The following GCN1 variants were observed in gnomAD, a reference collection of about 807,000 sequenced individuals.
GCN1 encodes the protein GCN1 activator of EIF2AK4, also known as stalled ribosome sensor GCN1.
Under a neutral mutation model 288.4 loss-of-function variants are expected in GCN1, and 90 were observed. The ratio of observed to expected loss-of-function variants is 0.31; its 90% CI spans 0.26 to 0.37. The LOEUF (loss-of-function observed/expected upper bound fraction) is 0.37. GCN1 is among the 10% of genes least tolerant of loss of function. The probability of loss-of-function intolerance (pLI) is 1.00; values close to 1 mark genes in which losing one functional copy is unlikely to be tolerated. For synonymous variants in GCN1, 1,386 were observed against 1,420.2 expected (o/e 0.98, Z 0.54); for missense variants, 2,586 against 3,419.9 (o/e 0.76, Z 6.08).
intron 42 of GCN1, among the ~76,000 whole-genome samples, chr12:120,143,737 C>G (rs568623813): frequency 1.3e-5 from 2 of 152,254 alleles, no homozygotes; most frequent in East Asian, 1.9e-4. Context: ...GAAATATATT[C>G]CCATAAGTAA....
intron 1 of GCN1, among the ~76,000 whole-genome samples, chr12:120,193,516 A>C (rs1879074547): frequency 6.6e-6 from 1 of 152,108 alleles, no homozygotes; most frequent in Admixed American, 6.6e-5. Context: ...CGTTGGTCAG[A>C]CTAGTCTCAA....
At chr12:120,162,343 A>T in intron 20 of GCN1, 3 of 461,852 alleles carry the variant, frequency 6.5e-6, no homozygotes, top group East Asian at 4.2e-5. Flanking sequence ...AGAGGTAGGC[A>T]TGTGACCCAG....
At chr12:120,149,852 C>T in intron 35 of GCN1, 70 bp downstream of exon 35, 1 of 1,597,212 alleles carries the variant, frequency 6.3e-7, no homozygotes, top group South Asian at 1.1e-5. Flanking sequence ...GTGCCAAGGC[C>T]TGCAGACACA....
chr12:120,143,096 C>A lies in GCN1; in HGVS notation c.5496-155G>T, dbSNP rs190510203. Among the ~76,000 whole-genome samples the A allele has an allele frequency of 2.0e-5, 3 of 152,258 alleles. No individual in the cohort carries two copies. The East Asian group carries it at 5.8e-4, about 29-fold the overall frequency. On this transcript the variant is annotated intron_variant, in intron 42 of 57. Coordinates refer to ENST00000300648, the MANE Select transcript of GCN1 (RefSeq NM_006836.2). The stretch of plus-strand genomic sequence containing the variant: ...CAGGTGGTTTACATTTCTTTACACT[C>A]GCCCACATATTTTCCAAGTTTTCTA...
chr12:120,141,124 C>G (rs1279378596), intron 44 of GCN1, 101 bp from the exon 45 acceptor site: 2 of 949,254 alleles, frequency 2.1e-6, no homozygotes, highest in African/African-American at 3.3e-5. Context: ...CAGGCTTTAT[C>G]TGAATCACTG....
intron 14 of GCN1, 72 bp from the exon 15 acceptor site, chr12:120,170,393 T>C (rs1878278857): frequency 9.4e-6 from 13 of 1,380,210 alleles, no homozygotes; most frequent in Non-Finnish European, 1.3e-5. Context: ...AAAGGATTTA[T>C]CTAACCAGCT....
chr12:120,143,065 AAG>A (rs1877249717), intron 42 of GCN1, 124 bp from the exon 43 acceptor site: 3 of 613,160 alleles, frequency 4.9e-6, no homozygotes, highest in South Asian at 4.5e-5. Context: ...TTGGAATGGG[AAG>A]AGTCAGGTGG....
chr12:120,177,390 G>T, intron 9 of GCN1, 57 bp downstream of exon 9: 1 of 844,324 alleles, frequency 1.2e-6, no homozygotes, highest in Non-Finnish European at 2.0e-6. Context: ...CAAATATCGA[G>T]AATAGAGATA....
At position 120,142,649 on chromosome 12, in the gene GCN1, G is replaced by T. The variant is rs368946106; in HGVS notation, c.5687C>A (p.Thr1896Asn). ...GGACGCCTGCCGCACCACCAGCTGGGTGTCTGAGCGGCCCATGTACAGCCC... is the reference window on the plus strand; with the variant it reads ...GGACGCCTGCCGCACCACCAGCTGGTTGTCTGAGCGGCCCATGTACAGCCC... ...LAGLYMGRSDTQLVVRQASLH... is the reference protein window; with the variant it reads ...LAGLYMGRSDNQLVVRQASLH... Residue 1896 changes from threonine (T) to asparagine (N), a missense_variant, in exon 44 of 58, where the codon ACC becomes AAC. Around this residue, in one of 8 missense-constraint regions of GCN1, gnomAD observed 437 missense variants for 570.5 expected, o/e 0.77. Coordinates refer to ENST00000300648, the MANE Select transcript of GCN1 (RefSeq NM_006836.2). This position sits in a 1 kb window ranked among gnomAD's most constrained non-coding sequence, Gnocchi z 4.9. 7 of 1,614,100 alleles carry T rather than the reference G, an allele frequency of 4.3e-6. No individual in the cohort carries two copies. In the South Asian group the frequency reaches 4.4e-5, roughly 10 times the overall value.
intron 5 of GCN1, among the ~76,000 whole-genome samples, chr12:120,179,185 A>G (rs1878572443): frequency 6.6e-6 from 1 of 151,998 alleles, no homozygotes; most frequent in South Asian, 2.1e-4. Context: ...GTGATCACCT[A>G]TTATGAATCA....
chr12:120,186,682 G>C (rs1407347237), intron 2 of GCN1, among the ~76,000 whole-genome samples: 1 of 152,212 alleles, frequency 6.6e-6, no homozygotes, highest in Non-Finnish European at 1.5e-5. Context: ...TGGGGAAAAA[G>C]AATGACTGGG....
rs111976481 is a variant in GCN1, at chr12:120,181,888, T to C, written c.426+1681A>G. 1.5e-3 allele frequency among the ~76,000 whole-genome samples: 218 copies of C among 147,868 alleles called. 1 individual carries two copies. Among genetic ancestry groups the C allele is most frequent in the African/African-American group, 5.3e-3 (210 of 39,890 alleles). Reference sequence around the variant, plus strand: ...TAGGCTGGGCACAATGGCTCATACCTGTAATCCCTGCACTTTGGGAGGCTG... The same window carrying C: ...TAGGCTGGGCACAATGGCTCATACCCGTAATCCCTGCACTTTGGGAGGCTG... On this transcript the variant is annotated intron_variant, in intron 5 of 57. Coordinates refer to ENST00000300648, the MANE Select transcript of GCN1 (RefSeq NM_006836.2).
intron 24 of GCN1, among the ~76,000 whole-genome samples, chr12:120,159,522 C>G (rs1877860829): frequency 6.6e-6 from 1 of 152,204 alleles, no homozygotes; most frequent in African/African-American, 2.4e-5. Flanking sequence ...ACCAAACCAT[C>G]CTCACTGCCA....
At chr12:120,128,822 G>A (rs1876706636) in intron 57 of GCN1, among the ~76,000 whole-genome samples, 1 of 150,184 alleles carries the variant, frequency 6.7e-6, no homozygotes, top group South Asian at 2.1e-4. Context: ...CAGGTACTGG[G>A]CCAGTCACCC....
chr12:120,147,503 G>A lies in GCN1; in HGVS notation c.4727-231C>T, dbSNP rs531506178. On this transcript the variant is annotated intron_variant, in intron 37 of 57. Coordinates refer to ENST00000300648, the MANE Select transcript of GCN1 (RefSeq NM_006836.2). ...CCCGCCTCAGCCTCCCAAAGCGCTG[G>A]ATTACAGGCATGAGCCACAGAAATA... Among the ~76,000 whole-genome samples, 20 of 152,268 alleles carry A rather than the reference G, an allele frequency of 1.3e-4. No homozygotes were observed. The South Asian group carries it at 3.9e-3, about 30-fold the overall frequency.
chr12:120,127,894 G>A lies in GCN1; in HGVS notation c.7971C>T (p.Ser2657=), dbSNP rs1177884678. 2 of 1,614,176 alleles carry A rather than the reference G, an allele frequency of 1.2e-6. No homozygotes were observed. Among genetic ancestry groups the A allele is most frequent in the South Asian group, 1.1e-5 (1 of 91,084 alleles). ...VNRRSLKKLA[S]QADSTEQVDD... is the part of the protein sequence containing the mutation. ...CCACCTGCTCCGTGGAGTCGGCCTG[G>A]CTGGCCAGCTTCTTCAGGGACCTTC... Residue 2657 remains serine (S), a synonymous_variant, in exon 58 of 58, where the codon AGC becomes AGT. Transcript: ENST00000300648.
chr12:120,161,869 T>A lies in GCN1; in HGVS notation c.2342+11A>T, dbSNP rs1463872229. On this transcript the variant is annotated intron_variant, in intron 21 of 57. Transcript: ENST00000300648. ...GAGCAAAGGAAACTGAGCCCATAAGTGAGGTCTCACCTCTGAATGATGGAT... is the reference window on the plus strand; with the variant it reads ...GAGCAAAGGAAACTGAGCCCATAAGAGAGGTCTCACCTCTGAATGATGGAT... 6.2e-7 allele frequency: 1 copy of A among 1,613,064 alleles called. No individual in the cohort carries two copies. Among genetic ancestry groups the A allele is most frequent in the South Asian group, 1.1e-5 (1 of 91,048 alleles).
At chr12:120,169,533 T>C (rs1457006970) in intron 15 of GCN1, among the ~76,000 whole-genome samples, 1 of 152,122 alleles carries the variant, frequency 6.6e-6, no homozygotes. Flanking sequence ...AGACAAAGTC[T>C]CACTGTGCCA....
intron 51 of GCN1, among the ~76,000 whole-genome samples, chr12:120,135,388 G>T (rs1356075917): frequency 6.6e-6 from 1 of 151,836 alleles, no homozygotes; most frequent in Admixed American, 6.6e-5. Context: ...TTTTGAGACG[G>T]AGTTTCGCTC....
Sources: gnomAD v4.1 joint callset for allele counts (sites outside exome capture counted in the v4.1 genomes callset) on GRCh38, gnomAD v4.1.1 for gene constraint, gnomAD v4.1.1 regional missense constraint, Gnocchi (gnomAD v3.1) non-coding constraint, MANE v1.5 for transcripts, NCBI Gene and HGNC (gene_info 2026-07-23, HGNC 2026-07-21) for gene names.